CNTLN: variants seen among roughly 807,000 people sequenced by gnomAD.
The protein encoded by CNTLN is centlein, centrosomal protein.
Under a neutral mutation model 180.0 loss-of-function variants are expected in CNTLN, and 212 were observed. The observed-to-expected ratio is 1.18, with a 90% CI of 1.05 to 1.32. The LOEUF is 1.32. Among genes scored for constraint, CNTLN ranks in the 40% most tolerant of loss-of-function variants. CNTLN has a pLI of 0.00. For missense variants in CNTLN, 2,095 were observed against 1,610.9 expected, an observed-to-expected ratio of 1.30 and a Z score of -5.14; for synonymous variants, 722 against 563.1, an observed-to-expected ratio of 1.28 and a Z score of -3.99.
chr9:17,456,262 C>T (rs1354307149), intron 18 of CNTLN, among the ~76,000 whole-genome samples: 2 of 152,136 alleles, frequency 1.3e-5, no homozygotes, highest in East Asian at 3.9e-4. Flanking sequence ...AATTATTAGG[C>T]TCTTTTGGGG....
At position 17,375,679 on chromosome 9, in the gene CNTLN, A is replaced by G. The variant is rs2197154; in HGVS notation, c.1987+8962A>G. ...CGTTAATATTTTGGTTAGGCATTAC[A>G]TTTTTTGGGAAATTATTTAGTTCGT... On this transcript the variant is annotated intron_variant, in intron 13 of 25. Transcript: ENST00000380647. Among the ~76,000 whole-genome samples, 581 of 152,222 alleles carry G rather than the reference A, an allele frequency of 3.8e-3. 3 individuals carry two copies. The highest frequency in any genetic ancestry group is 0.013 in the African/African-American group (556 of 41,544).
chr9:17,245,440 G>GTTTTTTTTTTTTT (rs553099095), intron 5 of CNTLN, among the ~76,000 whole-genome samples: 1 of 132,150 alleles, frequency 7.6e-6, no homozygotes. Flanking sequence ...TGTTATTTGT[G>GTTTTTTTTTTTTT]TTTTTTTTTT....
At chr9:17,165,378 A>G (rs549442939) in intron 2 of CNTLN, among the ~76,000 whole-genome samples, 3 of 152,320 alleles carry the variant, frequency 2.0e-5, no homozygotes, top group South Asian at 4.1e-4. Context: ...AGAAGTAGAG[A>G]AAAGGTGACA....
At chr9:17,424,897 C>A (rs758024622) in intron 18 of CNTLN, among the ~76,000 whole-genome samples, 19 of 152,102 alleles carry the variant, frequency 1.2e-4, no homozygotes, top group Non-Finnish European at 2.2e-4. Flanking sequence ...GCCTCCCAAA[C>A]CATGAGCTAA....
At chr9:17,434,840 A>G (rs1829666844) in intron 18 of CNTLN, among the ~76,000 whole-genome samples, 1 of 152,148 alleles carries the variant, frequency 6.6e-6, no homozygotes, top group Admixed American at 6.5e-5. Context: ...TTAAGAAAAA[A>G]AAAAAGTTGT....
chr9:17,494,210 G>C (rs1213134317), intron 25 of CNTLN, among the ~76,000 whole-genome samples: 2 of 152,128 alleles, frequency 1.3e-5, no homozygotes, highest in East Asian at 3.9e-4. Context: ...AAGCATATCT[G>C]TTTGCTAGAT....
At chr9:17,351,246 C>T (rs563402754) in intron 12 of CNTLN, among the ~76,000 whole-genome samples, 4 of 152,264 alleles carry the variant, frequency 2.6e-5, no homozygotes, top group South Asian at 2.1e-4. Context: ...TTGTCATAGG[C>T]GTTCTCTGTA....
At chr9:17,396,414 G>T (rs1826529702) in intron 15 of CNTLN, among the ~76,000 whole-genome samples, 1 of 151,954 alleles carries the variant, frequency 6.6e-6, no homozygotes, top group African/African-American at 2.4e-5. Context: ...TAGACAGTAG[G>T]GAAGTTCAGT....
chr9:17,502,818 T>C lies in CNTLN; in HGVS notation c.*166T>C. The C allele has an allele frequency of 2.6e-6, 1 of 386,020 alleles. No individual in the cohort carries two copies. Among genetic ancestry groups the C allele is most frequent in the South Asian group, 5.1e-5 (1 of 19,718 alleles). 23.9% of individuals were successfully genotyped at this position (386,020 alleles called of 1,614,324 possible). On this transcript the variant is annotated 3_prime_UTR_variant, in exon 26 of 26. Coordinates refer to ENST00000380647, the MANE Select transcript of CNTLN (RefSeq NM_017738.4). Reference sequence around the variant, plus strand: ...TAATTAATTGCTGAACAAGTGAAACTAATTAAGTACATAGCCATTTAAAAG... The same window carrying C: ...TAATTAATTGCTGAACAAGTGAAACCAATTAAGTACATAGCCATTTAAAAG...
intron 2 of CNTLN, among the ~76,000 whole-genome samples, chr9:17,207,980 A>G (rs776657761): frequency 6.6e-6 from 1 of 152,094 alleles, no homozygotes; most frequent in Non-Finnish European, 1.5e-5. Flanking sequence ...TGATTGCTCT[A>G]GCTAGGACTT....
At chr9:17,261,266 T>C (rs976670720) in intron 5 of CNTLN, among the ~76,000 whole-genome samples, 8 of 151,394 alleles carry the variant, frequency 5.3e-5, no homozygotes, top group Admixed American at 2.0e-4. Flanking sequence ...CTTCATGGAG[T>C]AGGGCCATCT....
intron 6 of CNTLN, among the ~76,000 whole-genome samples, chr9:17,297,606 G>T (rs540159957): frequency 6.6e-6 from 1 of 152,170 alleles, no homozygotes; most frequent in East Asian, 1.9e-4. Context: ...AGGTTCGAAG[G>T]ACTGGATTTT....
At chr9:17,266,454 C>T (rs552201160) in intron 5 of CNTLN, among the ~76,000 whole-genome samples, 313 of 152,156 alleles carry the variant, frequency 2.1e-3, no homozygotes, top group South Asian at 0.011. Context: ...AGCTTTGCTT[C>T]CCAGTATGTG....
rs1347338256 is a variant in CNTLN at position 17,484,347 on chromosome 9, G to A, written c.3908G>A (p.Arg1303Lys). 6.2e-7 allele frequency: 1 copy of A among 1,611,652 alleles called. No homozygotes were observed. The highest frequency in any genetic ancestry group is 8.5e-7 in the Non-Finnish European group (1 of 1,179,282). ...NDVHVVRRQI[R>K]ELKKMKKNRD... ...GTCCATGTGGTAAGGCGACAAATAA[G>A]AGAGCTTAAAAAAATGAAGAAAAAC... The change falls in exon 24 of 26, where the codon AGA becomes AAA. Residue 1303 changes from arginine to lysine, a missense_variant. Coordinates refer to ENST00000380647, the MANE Select transcript of CNTLN (RefSeq NM_017738.4).
chr9:17,320,912 C>T (rs1177121662), intron 8 of CNTLN, among the ~76,000 whole-genome samples: 1 of 152,116 alleles, frequency 6.6e-6, no homozygotes, highest in African/African-American at 2.4e-5. Context: ...ATATATATTC[C>T]CTGCCAAACT....
intron 6 of CNTLN, among the ~76,000 whole-genome samples, chr9:17,289,224 C>T (rs1438826280): frequency 8.8e-6 from 1 of 113,148 alleles, no homozygotes; most frequent in Non-Finnish European, 1.7e-5. Context: ...AATCTCTCAG[C>T]ATTTGCTTGT....
the CNTLN span, among the ~76,000 whole-genome samples, chr9:17,519,085 G>GTTATTTAATTATTTAT: frequency 2.0e-5 from 3 of 151,234 alleles, no homozygotes; most frequent in East Asian, 3.9e-4. Flanking sequence ...ACCAGGCCTA[G>GTTATTTAATTATTTAT]TTATTTATTT....
At chr9:17,505,645 A>C (rs1833920188), downstream of CNTLN, among the ~76,000 whole-genome samples, 1 of 152,148 alleles carries the variant, frequency 6.6e-6, no homozygotes, top group African/African-American at 2.4e-5. Flanking sequence ...AGATCTAATA[A>C]ATTAGGAGAC....
chr9:17,335,192 T>C (rs975565341), intron 10 of CNTLN, among the ~76,000 whole-genome samples: 2 of 152,192 alleles, frequency 1.3e-5, no homozygotes, highest in East Asian at 3.9e-4. Context: ...CTTATTCTCA[T>C]CTAGGAACCT....
Sources: allele counts gnomAD v4.1 joint callset (sites outside exome capture counted in the v4.1 genomes callset), GRCh38; gene constraint gnomAD v4.1.1; transcripts MANE v1.5; gene names NCBI Gene and HGNC (gene_info 2026-07-23, HGNC 2026-07-21).